The following PRR14L variants were observed in gnomAD, a reference collection of about 807,000 sequenced individuals.
The protein encoded by PRR14L is proline rich 14 like, also known as protein PRR14L.
In PRR14L, 80 loss-of-function variants were observed where a neutral mutation model predicts 155.0. That is an observed-to-expected ratio of 0.52 (90% confidence interval 0.43 to 0.62). The LOEUF (loss-of-function observed/expected upper bound fraction) is 0.62, where lower values mean the gene tolerates loss of function less well. Among genes scored for constraint, PRR14L ranks in the 20% least tolerant of loss-of-function variants. The pLI is 0.00. For synonymous variants in PRR14L, 883 were observed against 916.0 expected (o/e 0.96, Z 0.65); for missense variants, 2,469 against 2,548.0 (o/e 0.97, Z 0.67).
At chr22:31,694,617 T>C (rs2147854091) in intron 7 of PRR14L, among the ~76,000 whole-genome samples, 1 of 150,870 alleles carries the variant, frequency 6.6e-6, no homozygotes, top group South Asian at 2.1e-4. Context: ...CCGGGTGTGG[T>C]GGCGGGCGCC....
rs1392948443 is a variant in PRR14L at position 31,739,750 on chromosome 22, A to T, written c.-51-839T>A. Among the ~76,000 whole-genome samples, 3 of 152,200 alleles carry T rather than the reference A, an allele frequency of 2.0e-5. No homozygotes were observed. In the East Asian group the frequency reaches 5.8e-4, roughly 29 times the overall value. On this transcript the variant is annotated intron_variant, in intron 1 of 8. Transcript: ENST00000327423. ...AGAAAGAGCTTCCACTGTGTTCGTA[A>T]TGTTTCATTTCTTGCAGTGAATGGA... is the stretch of plus-strand genomic sequence containing the variant.
intron 1 of PRR14L, among the ~76,000 whole-genome samples, chr22:31,747,559 A>G (rs991184613): frequency 6.6e-6 from 1 of 150,978 alleles, no homozygotes; most frequent in African/African-American, 2.4e-5. Context: ...GTTCATCAAA[A>G]TAAGCTCAAA....
chr22:31,717,050 T>C lies in PRR14L; in HGVS notation c.789A>G (p.Thr263=), dbSNP rs147348699. 4.7e-3 allele frequency: 7,301 copies of C among 1,551,926 alleles called. 24 individuals are homozygous for C. The highest frequency in any genetic ancestry group is 5.3e-3 in the Middle Eastern group (32 of 5,992). ...ATTCTTTTTCTTTAGGAGTTGCTTC[T>C]GTTAATACAGGGTCCACAAAGGTTA... ...EPLTFVDPVL[T]EATPKEKECE... The change falls in exon 4 of 9, where the codon ACA becomes ACG. Residue 263 remains threonine (T), a synonymous_variant. Transcript: ENST00000327423.
At chr22:31,696,941 C>T (rs1569497432) in intron 7 of PRR14L, among the ~76,000 whole-genome samples, 1 of 152,054 alleles carries the variant, frequency 6.6e-6, no homozygotes, top group Admixed American at 6.6e-5. Context: ...ATGGTGAAAC[C>T]CTGTCTCTAC....
At position 31,715,233 on chromosome 22, in the gene PRR14L, C is replaced by G. The variant is rs972893485; in HGVS notation, c.2606G>C (p.Gly869Ala). 1 of 1,552,308 alleles carries G rather than the reference C, an allele frequency of 6.4e-7. No individual in the cohort carries two copies. The highest frequency in any genetic ancestry group is 1.2e-5 in the South Asian group (1 of 84,060). ...DGKETNGSLP[G>A]DKIRNKMVAG... ...TACCATTTTGTTTCTGATCTTATCT[C>G]CTGGAAGGCTGCCATTCGTTTCTTT... The change falls in exon 4 of 9, where the codon GGA becomes GCA. Residue 869 changes from glycine (G) to alanine (A), a missense_variant. Around this residue, in one of 2 missense-constraint regions of PRR14L, gnomAD observed 2,363 missense variants for 2,371.6 expected, o/e 1.00. Coordinates refer to ENST00000327423, the MANE Select transcript of PRR14L (RefSeq NM_173566.3).
chr22:31,684,424 T>A lies in PRR14L; in HGVS notation c.*1103A>T, dbSNP rs555474681. 1.4e-4 allele frequency: 21 copies of A among 152,376 alleles called. No individual in the cohort carries two copies. Among genetic ancestry groups the A allele is most frequent in the African/African-American group, 5.1e-4 (21 of 41,582 alleles). The allele number at this position is 152,376 out of a possible 1,614,324, so 9.4% of individuals were successfully genotyped here. On this transcript the variant is annotated 3_prime_UTR_variant, in exon 9 of 9. Coordinates refer to ENST00000327423, the MANE Select transcript of PRR14L (RefSeq NM_173566.3). The stretch of plus-strand genomic sequence containing the variant: ...CACAAATACTGTGGGTCAGCCTGTA[T>A]CACTGCCCAAGCCGTTGTACTCAAT...
chr22:31,749,851 G>C (rs2074862867), intron 1 of PRR14L, 142 bp downstream of exon 1: 1 of 152,394 alleles, frequency 6.6e-6, no homozygotes, highest in East Asian at 1.9e-4. Flanking sequence ...GCCGCCCACA[G>C]GGCAGCCTTG....
At chr22:31,722,579 G>C (rs1279773947) in intron 3 of PRR14L, among the ~76,000 whole-genome samples, 1 of 149,840 alleles carries the variant, frequency 6.7e-6, no homozygotes, top group Non-Finnish European at 1.5e-5. Context: ...CTGGAGTGCA[G>C]TGGAGCGATC....
In PRR14L at chr22:31,713,941, C is replaced by G. The variant is rs115688748; in HGVS notation, c.3898G>C (p.Val1300Leu). The G allele has an allele frequency of 6.4e-7, 1 of 1,551,616 alleles. No homozygotes were observed. The highest frequency in any genetic ancestry group is 1.2e-5 in the South Asian group (1 of 84,058). The change falls in exon 4 of 9, where the codon GTA (valine) becomes CTA (leucine). Residue 1300 changes from valine (V) to leucine (L), a missense_variant. Physicochemically the swap from Val to Leu is conservative, Grantham distance 32 (BLOSUM62 1). Around this residue, in one of 2 missense-constraint regions of PRR14L, gnomAD observed 2,363 missense variants for 2,371.6 expected, o/e 1.00. Coordinates refer to ENST00000327423, the MANE Select transcript of PRR14L (RefSeq NM_173566.3). The stretch of plus-strand genomic sequence containing the variant: ...GCATTCTTTTCCACACAGGTACATA[C>G]GCTGTCTCTGTCACTAGAATTACTC... ...DWSNSSDRDSVCTCVEKNACK... is the reference protein window; with the variant it reads ...DWSNSSDRDSLCTCVEKNACK...
rs2074640767 is a variant in PRR14L at position 31,714,208 on chromosome 22, CT to C, written c.3630del (p.Glu1211LysfsTer22). ...TTTGAGGAAATTCCAAAGGTACTTTCTTTGCCAAACTCAGAGTTTGGTTCTA... is the reference window on the plus strand; with the variant it reads ...TTTGAGGAAATTCCAAAGGTACTTTCTTGCCAAACTCAGAGTTTGGTTCTA... ...SRLEPNSEFG[K>X]ESTFGISSKE... On this transcript the variant is annotated frameshift_variant, in exon 4 of 9. Coordinates refer to ENST00000327423, the MANE Select transcript of PRR14L (RefSeq NM_173566.3). LOFTEE classifies it high-confidence loss of function. 6.4e-7 allele frequency: 1 copy of C among 1,551,590 alleles called. No individual in the cohort carries two copies. The highest frequency in any genetic ancestry group is 1.4e-5 in the African/African-American group (1 of 73,174).
chr22:31,749,811 C>A (rs1156344040), intron 1 of PRR14L, among the ~76,000 whole-genome samples, 182 bp downstream of exon 1: 1 of 152,244 alleles, frequency 6.6e-6, no homozygotes, highest in East Asian at 1.9e-4. Flanking sequence ...GACGCGGGGC[C>A]TGGTCTCCTC....
chr22:31,688,166 G>A lies in PRR14L; in HGVS notation c.6169C>T (p.Pro2057Ser). The change falls in exon 8 of 9, where the codon CCT becomes TCT. Residue 2057 changes from proline (P) to serine (S), a missense_variant. Pro to Ser is a moderately conservative substitution (Grantham distance 74). Around this residue, in one of 2 missense-constraint regions of PRR14L, gnomAD observed 106 missense variants for 176.4 expected, o/e 0.60. Transcript: ENST00000327423. The part of the protein sequence containing the change: ...IYTNKNYKSP[P>S]ANRCLETIFE... ...GCTATAAGTACCTACCTGTTTGCAG[G>A]AGGAGATTTATAATTCTTGTTGGTA... 1.9e-6 allele frequency: 3 copies of A among 1,604,826 alleles called. No homozygotes were observed. Among genetic ancestry groups the A allele is most frequent in the Non-Finnish European group, 2.6e-6 (3 of 1,176,270 alleles).
intron 1 of PRR14L, among the ~76,000 whole-genome samples, chr22:31,741,355 G>C (rs536278445): frequency 2.6e-5 from 4 of 150,958 alleles, no homozygotes; most frequent in Non-Finnish European, 3.0e-5. Flanking sequence ...CCAGCTACTC[G>C]GGAGGCTGAG....
chr22:31,726,934 T>G lies in PRR14L; in HGVS notation c.475-1324A>C, dbSNP rs553618035. ...GTTCTGTGAGAAAAGCCAACAGAGC[T>G]GTCACGGACAGATTCTGGCACGTTT... On this transcript the variant is annotated intron_variant, in intron 2 of 8. Transcript: ENST00000327423. 3.3e-5 allele frequency among the ~76,000 whole-genome samples: 5 copies of G among 152,356 alleles called. No individual in the cohort carries two copies. The East Asian group carries it at 9.6e-4, about 29-fold the overall frequency.
At chr22:31,745,989 G>A (rs142618461) in intron 1 of PRR14L, among the ~76,000 whole-genome samples, 2,016 of 151,586 alleles carry the variant, frequency 0.013, 15 homozygotes, top group Middle Eastern at 0.031. Flanking sequence ...GGAATGCAGT[G>A]GCTTGATCAC....
rs976257027 is a variant in PRR14L, at chr22:31,684,343, G to A, written c.*1184C>T. On this transcript the variant is annotated 3_prime_UTR_variant, in exon 9 of 9. Coordinates refer to ENST00000327423, the MANE Select transcript of PRR14L (RefSeq NM_173566.3). The stretch of plus-strand genomic sequence containing the variant: ...TCCCACTGCAGGAACACATCTCTGG[G>A]TCTGAAACATGACCCCGACTCTCTC... 1 of 152,178 alleles carries A rather than the reference G, an allele frequency of 6.6e-6. No individual in the cohort carries two copies. The highest frequency in any genetic ancestry group is 2.4e-5 in the African/African-American group (1 of 41,420). 9.4% of individuals were successfully genotyped at this position (152,178 alleles called of 1,614,324 possible). A position where few individuals can be genotyped will look rare whatever the true frequency, so the allele number is the denominator to read the frequency against.
At position 31,691,484 on chromosome 22, in the gene PRR14L, G is replaced by A. The variant is rs575561406; in HGVS notation, c.6108-3257C>T. Among the ~76,000 whole-genome samples the A allele has an allele frequency of 4.6e-5, 7 of 152,156 alleles. No homozygotes were observed. The South Asian group carries it at 1.0e-3, about 23-fold the overall frequency. On this transcript the variant is annotated intron_variant, in intron 7 of 8. Coordinates refer to ENST00000327423, the MANE Select transcript of PRR14L (RefSeq NM_173566.3). ...GATCCTCCTGCCTCTACCTGCCAAC[G>A]AGCTGGGATTATAGGAATGAACCAC...
intron 3 of PRR14L, among the ~76,000 whole-genome samples, chr22:31,720,138 T>C (rs1008113333): frequency 4.6e-5 from 7 of 152,168 alleles, no homozygotes; most frequent in African/African-American, 1.7e-4. Flanking sequence ...AAATAATGCA[T>C]GTAAGATGTC....
intron 2 of PRR14L, among the ~76,000 whole-genome samples, chr22:31,729,286 A>G (rs2074735115): frequency 6.6e-6 from 1 of 152,096 alleles, no homozygotes; most frequent in South Asian, 2.1e-4. Context: ...ACCTCCGCTC[A>G]CTGCAAGCTC....
Sources: allele counts gnomAD v4.1 joint callset (sites outside exome capture counted in the v4.1 genomes callset), GRCh38; gene constraint gnomAD v4.1.1; regional missense constraint gnomAD v4.1.1; transcripts MANE v1.5; gene names NCBI Gene and HGNC (gene_info 2026-07-23, HGNC 2026-07-21).